PCDHGB1: variants seen among roughly 807,000 people sequenced by gnomAD.
PCDHGB1 encodes the protein protocadherin gamma subfamily B, 1.
A neutral mutation model predicts 56.6 loss-of-function variants in PCDHGB1; 34 were observed. That is an observed-to-expected ratio of 0.60 (90% confidence interval 0.46 to 0.80). The LOEUF is 0.80. PCDHGB1 is among the 30% of genes least tolerant of loss of function. The pLI, the probability that PCDHGB1 is intolerant of heterozygous loss-of-function variation, is 0.00. For missense variants in PCDHGB1, 1,278 were observed against 1,204.6 expected, an observed-to-expected ratio of 1.06 and a Z score of -0.90; for synonymous variants, 561 against 505.9, an observed-to-expected ratio of 1.11 and a Z score of -1.46.
intron 1 of PCDHGB1, among the ~76,000 whole-genome samples, chr5:141,488,655 G>C (rs1438020338): frequency 6.6e-6 from 1 of 152,164 alleles, no homozygotes. Flanking sequence ...GATGGGGGAG[G>C]GTGGGGGAAT....
Position 141,370,856 on chromosome 5 carries a change from G to A in PCDHGB1, c.2409+18187G>A, listed in dbSNP as rs752174657. On this transcript the variant is annotated intron_variant, in intron 1 of 3. Coordinates refer to ENST00000523390, the MANE Select transcript of PCDHGB1 (RefSeq NM_018922.3). ...CTCTCACTGGAGCCACATTTGCCCT[G>A]GAATCTGCGCAAGATCCTGATGTAG... The A allele has an allele frequency of 1.9e-6, 3 of 1,613,928 alleles. No homozygotes were observed. The East Asian group carries it at 6.7e-5, about 36-fold the overall frequency.
intron 1 of PCDHGB1, among the ~76,000 whole-genome samples, chr5:141,452,689 C>G (rs1198702467): frequency 6.6e-6 from 1 of 151,562 alleles, no homozygotes; most frequent in Non-Finnish European, 1.5e-5. Context: ...AGAATGAAAC[C>G]CTGTCAAGAA....
chr5:141,432,016 C>G lies in PCDHGB1; in HGVS notation c.2410-62791C>G. 1 of 1,614,202 alleles carries G rather than the reference C, an allele frequency of 6.2e-7. No individual in the cohort carries two copies. The highest frequency in any genetic ancestry group is 1.1e-5 in the South Asian group (1 of 91,082). ...ATAGGGAACAGGTTCCTAGCTACAACATCACAGTGACCGCCACTGACCGGG... is the reference window on the plus strand; with the variant it reads ...ATAGGGAACAGGTTCCTAGCTACAAGATCACAGTGACCGCCACTGACCGGG... On this transcript the variant is annotated intron_variant, in intron 1 of 3. Coordinates refer to ENST00000523390, the MANE Select transcript of PCDHGB1 (RefSeq NM_018922.3). The surrounding 1 kb of genome is among the most constrained non-coding windows in gnomAD (Gnocchi z 6.0).
rs564367150 is a variant in PCDHGB1 at position 141,464,990 on chromosome 5, C to T, written c.2410-29817C>T. Among the ~76,000 whole-genome samples, 147 of 152,192 alleles carry T rather than the reference C, an allele frequency of 9.7e-4. 1 individual carries two copies. Among genetic ancestry groups the T allele is most frequent in the African/African-American group, 3.5e-3 (144 of 41,536 alleles). On this transcript the variant is annotated intron_variant, in intron 1 of 3. Transcript: ENST00000523390. ...CTACTGGCTTCAAGTGATCCTCCCA[C>T]CTCAGCCTCCCAAAGTGCTAAGATT...
intron 1 of PCDHGB1, chr5:141,361,306 A>C (rs751243167): frequency 6.2e-7 from 1 of 1,613,858 alleles, no homozygotes; most frequent in African/African-American, 1.3e-5. Context: ...GGGAAATGCC[A>C]AGTTTATTTT....
chr5:141,494,677 TGCCCCCTCTTA>T, intron 1 of PCDHGB1, 119 bp from the exon 2 acceptor site: 5 of 1,552,906 alleles, frequency 3.2e-6, no homozygotes, highest in Non-Finnish European at 4.4e-6. Flanking sequence ...AGTCCACCCC[TGCCCCCTCTTA>T]GTCCGTTTTC....
chr5:141,382,683 G>C, intron 1 of PCDHGB1: 1 of 444,266 alleles, frequency 2.3e-6, no homozygotes, highest in Non-Finnish European at 4.0e-6. Flanking sequence ...ACCAACCAGG[G>C]AAAAATGGTG....
chr5:141,491,898 G>A lies in PCDHGB1; in HGVS notation c.2410-2909G>A, dbSNP rs772673872. 1.6e-5 allele frequency: 23 copies of A among 1,428,816 alleles called. No homozygotes were observed. The highest frequency in any genetic ancestry group is 3.0e-5 in the South Asian group (2 of 66,966). The allele number at this position is 1,428,816 out of a possible 1,614,324, so 88.5% of individuals were successfully genotyped here. A position where few individuals can be genotyped will look rare whatever the true frequency, so the allele number is the denominator to read the frequency against. ...ATTAAGGGATGGGGCTCCGAGCACC[G>A]GGGGTGGTGGCGACTGTGGGCGAGG... On this transcript the variant is annotated intron_variant, in intron 1 of 3. Coordinates refer to ENST00000523390, the MANE Select transcript of PCDHGB1 (RefSeq NM_018922.3). This position sits in a 1 kb window ranked among gnomAD's most constrained non-coding sequence, Gnocchi z 6.9.
In PCDHGB1 at chr5:141,357,092, C is replaced by T. The variant is rs763316267; in HGVS notation, c.2409+4423C>T. 2.5e-5 allele frequency: 41 copies of T among 1,613,756 alleles called. No homozygotes were observed. In the East Asian group the frequency reaches 9.1e-4, roughly 36 times the overall value. ...ACAGGCGAGGTGCGCACCGCACGGG[C>T]CCTGCTGGACAGAGACGCGCTCAAG... is the stretch of plus-strand genomic sequence containing the variant. On this transcript the variant is annotated intron_variant, in intron 1 of 3. Coordinates refer to ENST00000523390, the MANE Select transcript of PCDHGB1 (RefSeq NM_018922.3).
intron 1 of PCDHGB1, chr5:141,355,187 G>A (rs1759746421): frequency 6.3e-7 from 1 of 1,589,120 alleles, no homozygotes. Context: ...AGGCGACTCC[G>A]CGGCGGGGTT....
chr5:141,421,161 T>C (rs2096550274), intron 1 of PCDHGB1: 7 of 1,259,920 alleles, frequency 5.6e-6, no homozygotes, highest in Non-Finnish European at 7.5e-6. Flanking sequence ...TAGGACTTCA[T>C]AGATACATAA....
intron 1 of PCDHGB1, among the ~76,000 whole-genome samples, chr5:141,452,103 TTTCTC>T (rs1428635203): frequency 1.3e-5 from 2 of 152,186 alleles, no homozygotes; most frequent in African/African-American, 4.8e-5. Context: ...AGAGCTTTCT[TTTCTC>T]TTCTTATTTA....
rs200109598 is a variant in PCDHGB1 at position 141,388,741 on chromosome 5, A to C, written c.2409+36072A>C. ...ACTTTCTCTTTCAGTGAAGCTAGCC[A>C]GATCACCCAATTTGACCTGAACTCT... is the stretch of plus-strand genomic sequence containing the variant. On this transcript the variant is annotated intron_variant, in intron 1 of 3. Transcript: ENST00000523390. The C allele has an allele frequency of 1.3e-4, 203 of 1,613,906 alleles. No individual in the cohort carries two copies. The highest frequency in any genetic ancestry group is 1.7e-4 in the Non-Finnish European group (198 of 1,179,898).
intron 1 of PCDHGB1, among the ~76,000 whole-genome samples, chr5:141,456,729 C>T (rs1337183677): frequency 6.6e-6 from 1 of 152,158 alleles, no homozygotes; most frequent in Non-Finnish European, 1.5e-5. Context: ...CTTTGGGAGG[C>T]TGAGGCGGGA....
At chr5:141,399,483 CTACT>C in intron 1 of PCDHGB1, 2 of 1,614,048 alleles carry the variant, frequency 1.2e-6, no homozygotes, top group Non-Finnish European at 8.5e-7. Context: ...ACCAGGCGTC[CTACT>C]TAGTCAGTGT....
In PCDHGB1 at chr5:141,486,110, G is replaced by A. The variant is rs780031943; in HGVS notation, c.2410-8697G>A. 1.2e-6 allele frequency: 2 copies of A among 1,614,162 alleles called. No individual in the cohort carries two copies. Among genetic ancestry groups the A allele is most frequent in the South Asian group, 1.1e-5 (1 of 91,078 alleles). On this transcript the variant is annotated intron_variant, in intron 1 of 3. Transcript: ENST00000523390. This position sits in a 1 kb window ranked among gnomAD's most constrained non-coding sequence, Gnocchi z 5.0. ...TTTGGGGCCCCTAGACTTTGAGAGT[G>A]AGAATTACTATGAATTTGATGTGCG...
chr5:141,421,964 C>T (rs772274014), intron 1 of PCDHGB1: 3 of 1,611,472 alleles, frequency 1.9e-6, no homozygotes, highest in Non-Finnish European at 1.7e-6. Flanking sequence ...TTTACACAGT[C>T]CGTATATCGC....
rs1383420491 is a variant in PCDHGB1 at position 141,384,736 on chromosome 5, G to A, written c.2409+32067G>A. On this transcript the variant is annotated intron_variant, in intron 1 of 3. Transcript: ENST00000523390. ...GTCATACCTCCTGCTTAAGGCCAGC[G>A]AGCCAGGACTCTTTGCGGTTGGGCT... 3.7e-6 allele frequency: 6 copies of A among 1,613,938 alleles called. No homozygotes were observed. Among genetic ancestry groups the A allele is most frequent in the African/African-American group, 2.7e-5 (2 of 74,932 alleles).
intron 1 of PCDHGB1, chr5:141,372,062 C>A (rs1768364404): frequency 1.2e-6 from 2 of 1,613,470 alleles, no homozygotes; most frequent in Non-Finnish European, 1.7e-6. Flanking sequence ...ACGACCGCAA[C>A]GACAATGCAC....
Sources: allele counts gnomAD v4.1 joint callset (sites outside exome capture counted in the v4.1 genomes callset), GRCh38; gene constraint gnomAD v4.1.1; non-coding constraint Gnocchi (gnomAD v3.1); transcripts MANE v1.5; gene names NCBI Gene and HGNC (gene_info 2026-07-23, HGNC 2026-07-21).